Variants in GALC observed in about 807,000 individuals in gnomAD.
The protein encoded by GALC is galactocerebrosidase.
Under a neutral mutation model 91.8 loss-of-function variants are expected in GALC, and 77 were observed. That is an observed-to-expected ratio of 0.84 (90% confidence interval 0.70 to 1.01). The LOEUF is 1.01. GALC is among the 50% of genes least tolerant of loss of function. The probability of loss-of-function intolerance (pLI) is 0.00; values close to 1 mark genes in which losing one functional copy is unlikely to be tolerated. For synonymous variants in GALC, 357 were observed against 306.7 expected, an observed-to-expected ratio of 1.16 and a Z score of -1.71; for missense variants, 882 against 855.9, an observed-to-expected ratio of 1.03 and a Z score of -0.38.
intron 7 of GALC, among the ~76,000 whole-genome samples, chr14:87,971,403 G>A (rs1262162042): frequency 6.6e-6 from 1 of 152,260 alleles, no homozygotes; most frequent in African/African-American, 2.4e-5. Context: ...GAATTCATTA[G>A]GAGATCAAAC....
chr14:87,982,831 A>G (rs1477387377), intron 5 of GALC, among the ~76,000 whole-genome samples: 1 of 152,206 alleles, frequency 6.6e-6, no homozygotes, highest in Non-Finnish European at 1.5e-5. Context: ...GAAAACTGTT[A>G]ATAACAAGAG....
At chr14:87,970,283 A>T (rs1267973277) in intron 7 of GALC, among the ~76,000 whole-genome samples, 1 of 152,178 alleles carries the variant, frequency 6.6e-6, no homozygotes, top group African/African-American at 2.4e-5. Context: ...AAAACACTGT[A>T]AAGTAATATG....
At chr14:87,986,890 T>G in intron 3 of GALC, 1 of 434,478 alleles carries the variant, frequency 2.3e-6, no homozygotes, top group Non-Finnish European at 4.3e-6. Flanking sequence ...TAACTAAAAA[T>G]TCCCAGTATT....
In GALC at chr14:87,954,415, A is replaced by G. The variant is rs1885432607; in HGVS notation, c.1162-3667T>C. 3 of 1,595,402 alleles carry G rather than the reference A, an allele frequency of 1.9e-6. No individual in the cohort carries two copies. The African/African-American group carries it at 4.0e-5, about 21-fold the overall frequency. On this transcript the variant is annotated intron_variant, in intron 10 of 16. Transcript: ENST00000261304. ...ATGTGCTTGTATTATGGAGTCCTGGAGCAGCCTGGTACCCTCAACTGCAAA... is the reference window on the plus strand; with the variant it reads ...ATGTGCTTGTATTATGGAGTCCTGGGGCAGCCTGGTACCCTCAACTGCAAA...
chr14:87,962,669 T>G (rs563747352), intron 10 of GALC, among the ~76,000 whole-genome samples: 8 of 151,872 alleles, frequency 5.3e-5, no homozygotes, highest in African/African-American at 1.9e-4. Context: ...ATCTTGCTTC[T>G]CCCATGGGAA....
At chr14:87,980,583 G>T in intron 6 of GALC, 1 of 719,130 alleles carries the variant, frequency 1.4e-6, no homozygotes, top group Non-Finnish European at 1.7e-6. Flanking sequence ...CGTTCTTGAA[G>T]ATTCAAATTA....
At chr14:87,962,469 T>C (rs1885846360) in intron 10 of GALC, among the ~76,000 whole-genome samples, 1 of 152,098 alleles carries the variant, frequency 6.6e-6, no homozygotes, top group Admixed American at 6.6e-5. Flanking sequence ...ATATTTACTG[T>C]TTGTCCTGGC....
intron 7 of GALC, among the ~76,000 whole-genome samples, chr14:87,973,760 T>C (rs1287819289): frequency 1.3e-5 from 2 of 152,188 alleles, no homozygotes; most frequent in South Asian, 2.1e-4. Flanking sequence ...TTTTTTGTTA[T>C]GGGAAAACTA....
At position 87,955,383 on chromosome 14, in the gene GALC, T is replaced by G. The variant is rs543993887; in HGVS notation, c.1162-4635A>C. 2.6e-5 allele frequency among the ~76,000 whole-genome samples: 4 copies of G among 152,226 alleles called. No individual in the cohort carries two copies. In the East Asian group the frequency reaches 7.7e-4, roughly 29 times the overall value. On this transcript the variant is annotated intron_variant, in intron 10 of 16. Coordinates refer to ENST00000261304, the MANE Select transcript of GALC (RefSeq NM_000153.4). The stretch of plus-strand genomic sequence containing the variant: ...GTGAGGTTTAAAAAGATTATTTTTG[T>G]TTTTTGGTTTCTTCCTTTCTTCTGG...
intron 10 of GALC, chr14:87,955,284 T>TTTTGC (rs1885483436): frequency 4.4e-6 from 3 of 682,156 alleles, no homozygotes; most frequent in Non-Finnish European, 7.7e-6. Context: ...ACGATAGGGT[T>TTTTGC]TTTGCTTTGG....
At chr14:87,966,815 T>TATAC (rs1250243734) in intron 8 of GALC, among the ~76,000 whole-genome samples, 1 of 152,216 alleles carries the variant, frequency 6.6e-6, no homozygotes, top group Non-Finnish European at 1.5e-5. Context: ...AAGATATTTG[T>TATAC]ATACAATTGA....
intron 10 of GALC, among the ~76,000 whole-genome samples, chr14:87,957,447 G>C (rs1885604258): frequency 6.6e-6 from 1 of 151,914 alleles, no homozygotes. Flanking sequence ...GAGGTGAGAG[G>C]TAGGGATGCA....
intron 16 of GALC, 97 bp downstream of exon 16, chr14:87,939,808 T>C: frequency 1.1e-6 from 1 of 898,840 alleles, no homozygotes; most frequent in Non-Finnish European, 1.9e-6. Context: ...CTCTTCATTA[T>C]ATGTCACACT....
intron 1 of GALC, among the ~76,000 whole-genome samples, chr14:87,988,929 G>C (rs1053556287): frequency 5.9e-5 from 9 of 152,160 alleles, no homozygotes; most frequent in African/African-American, 2.2e-4. Flanking sequence ...AATGCTGAAA[G>C]GAAGCACTAC....
chr14:87,953,140 T>G (rs1885381813), intron 10 of GALC: 11 of 1,480,366 alleles, frequency 7.4e-6, no homozygotes, highest in Non-Finnish European at 1.0e-5. Flanking sequence ...TTGAACACAG[T>G]AGATAAGCCA....
chr14:87,949,686 G>A lies in GALC; in HGVS notation c.1338+159C>T, dbSNP rs3213917. 0.46 allele frequency among the ~76,000 whole-genome samples: 70,001 copies of A among 151,506 alleles called. 17,421 individuals carry two copies. The highest frequency in any genetic ancestry group is 0.78 in the East Asian group (3,948 of 5,094). On this transcript the variant is annotated intron_variant, in intron 12 of 16. Coordinates refer to ENST00000261304, the MANE Select transcript of GALC (RefSeq NM_000153.4). Reference sequence around the variant, plus strand: ...CCAACCTGGGAAGCCAGGTGATGGCGTCACCATCCACCAAGACAAACTAAA... The same window carrying A: ...CCAACCTGGGAAGCCAGGTGATGGCATCACCATCCACCAAGACAAACTAAA...
intron 12 of GALC, 78 bp from the exon 13 acceptor site, chr14:87,947,956 T>C: frequency 3.0e-6 from 4 of 1,348,594 alleles, no homozygotes; most frequent in Non-Finnish European, 4.2e-6. Flanking sequence ...TTTAAAAAAA[T>C]TAGCTTAAAG....
At chr14:87,992,507 C>T in intron 1 of GALC, 1 of 1,531,214 alleles carries the variant, frequency 6.5e-7, no homozygotes, top group Non-Finnish European at 8.7e-7. Flanking sequence ...CACCACCCAC[C>T]AACTCCTCCA....
intron 10 of GALC, chr14:87,955,179 G>T: frequency 7.8e-7 from 1 of 1,276,438 alleles, no homozygotes; most frequent in East Asian, 2.3e-5. Flanking sequence ...ACACTGTAAA[G>T]CATGGAGCCG....
Sources: allele counts gnomAD v4.1 joint callset (sites outside exome capture counted in the v4.1 genomes callset), GRCh38; gene constraint gnomAD v4.1.1; transcripts MANE v1.5; gene names NCBI Gene and HGNC (gene_info 2026-07-23, HGNC 2026-07-21).